Variants in CLDN14 observed in about 807,000 individuals in gnomAD.
The protein encoded by CLDN14 is claudin-14.
In CLDN14, 2 loss-of-function variants were observed where a neutral mutation model predicts 2.1. The observed-to-expected ratio is 0.96, with a 90% CI of 0.39 to 3.01. CLDN14 has a LOEUF of 3.01. Among genes scored for constraint, CLDN14 ranks in the 30% most tolerant of loss-of-function variants. The probability of loss-of-function intolerance (pLI) is 0.09; values close to 1 mark genes in which losing one functional copy is unlikely to be tolerated. For missense variants in CLDN14, 298 were observed against 328.0 expected (o/e 0.91, Z 0.71); for synonymous variants, 136 against 154.4 (o/e 0.88, Z 0.88).
chr21:36,486,843 G>A, intron 2 of CLDN14: 1 of 732,750 alleles, frequency 1.4e-6, no homozygotes. Flanking sequence ...CAGTGTAGAA[G>A]GTGATCTTGC....
At chr21:36,466,092 T>C (rs2086642371) in intron 1 of CLDN14, among the ~76,000 whole-genome samples, 1 of 152,194 alleles carries the variant, frequency 6.6e-6, no homozygotes, top group Non-Finnish European at 1.5e-5. Context: ...CCTGCGTGAC[T>C]GTAGGACTTC....
chr21:36,527,913 A>G (rs1250923177), intron 1 of CLDN14, among the ~76,000 whole-genome samples: 1 of 152,088 alleles, frequency 6.6e-6, no homozygotes. Context: ...AAGTCCCTAG[A>G]TGTCTCTTCC....
intron 2 of CLDN14, among the ~76,000 whole-genome samples, chr21:36,488,645 G>T (rs1279244335): frequency 6.6e-6 from 1 of 150,608 alleles, no homozygotes; most frequent in East Asian, 2.0e-4. Flanking sequence ...GGTGCCAGGG[G>T]CTGAGGGCGG....
At chr21:36,519,715 CA>C (rs1038685565) in intron 1 of CLDN14, among the ~76,000 whole-genome samples, 1 of 60,980 alleles carries the variant, frequency 1.6e-5, no homozygotes, top group African/African-American at 3.6e-5. Context: ...GTCTAAAAAA[CA>C]ACAACAACAA....
chr21:36,486,014 T>C (rs755834323), intron 2 of CLDN14: 13 of 1,465,214 alleles, frequency 8.9e-6, no homozygotes, highest in Non-Finnish European at 1.2e-5. Context: ...CTTGTCCTTC[T>C]TGCCATCCTT....
At chr21:36,494,547 C>T (rs1323420952) in intron 2 of CLDN14, among the ~76,000 whole-genome samples, 1 of 152,188 alleles carries the variant, frequency 6.6e-6, no homozygotes, top group Non-Finnish European at 1.5e-5. Flanking sequence ...CCCCCAGTGC[C>T]TTAGAATGTG....
intron 2 of CLDN14, among the ~76,000 whole-genome samples, chr21:36,496,138 A>C (rs899176335): frequency 6.6e-6 from 1 of 152,134 alleles, no homozygotes; most frequent in African/African-American, 2.4e-5. Flanking sequence ...TGTTATAAAA[A>C]TCAGGGTTTC....
Position 36,551,372 on chromosome 21 carries a change from G to A in CLDN14, c.-220+25039C>T, listed in dbSNP as rs748330482. Among the ~76,000 whole-genome samples the A allele has an allele frequency of 1.3e-5, 2 of 152,114 alleles. No homozygotes were observed. Among genetic ancestry groups the A allele is most frequent in the Non-Finnish European group, 1.5e-5 (1 of 68,024 alleles). ...GAGCCTCTGCCTCCCGTAAGCTGGC[G>A]GGCAGACCCAGTCCAAACTTGGCAC... On this transcript the variant is annotated intron_variant, in intron 1 of 2. Coordinates refer to the CLDN14 transcript ENST00000342108. This position sits in a 1 kb window ranked among gnomAD's most constrained non-coding sequence, Gnocchi z 4.8.
At chr21:36,486,505 G>A (rs554041213) in intron 2 of CLDN14, 13 of 1,563,914 alleles carry the variant, frequency 8.3e-6, no homozygotes, top group Middle Eastern at 1.7e-4. Flanking sequence ...CACTGGCACC[G>A]AGACCCAGCA....
At chr21:36,483,894 G>T (rs2086870374), upstream of CLDN14, among the ~76,000 whole-genome samples, 1 of 152,206 alleles carries the variant, frequency 6.6e-6, no homozygotes, top group South Asian at 2.1e-4. Context: ...GGCAGGAAAA[G>T]AAGCCAAGAA....
At chr21:36,470,049 C>A (rs1013992615) in intron 1 of CLDN14, among the ~76,000 whole-genome samples, 1 of 151,840 alleles carries the variant, frequency 6.6e-6, no homozygotes, top group African/African-American at 2.4e-5. Context: ...ACAAAAACAA[C>A]AACAAAAAAA....
chr21:36,544,471 T>C lies in CLDN14; in HGVS notation c.-220+31940A>G, dbSNP rs1255815404. 1.3e-5 allele frequency among the ~76,000 whole-genome samples: 2 copies of C among 152,198 alleles called. No individual in the cohort carries two copies. The highest frequency in any genetic ancestry group is 1.3e-4 in the Admixed American group (2 of 15,286). On this transcript the variant is annotated intron_variant, in intron 1 of 2. Transcript: ENST00000342108. This position sits in a 1 kb window ranked among gnomAD's most constrained non-coding sequence, Gnocchi z 4.1. Reference sequence around the variant, plus strand: ...AGACAGTCATCCCTGCCTGCAGCTATTGACTGTTTGCATAGGAGGGGATGG... The same window carrying C: ...AGACAGTCATCCCTGCCTGCAGCTACTGACTGTTTGCATAGGAGGGGATGG...
At chr21:36,567,831 CAA>C (rs1242535795) in intron 1 of CLDN14, among the ~76,000 whole-genome samples, 2 of 150,850 alleles carry the variant, frequency 1.3e-5, no homozygotes, top group Non-Finnish European at 3.0e-5. Flanking sequence ...TAGGATAAGC[CAA>C]AGTCATTCAT....
chr21:36,569,641 G>T (rs1177835965), intron 1 of CLDN14, among the ~76,000 whole-genome samples: 1 of 152,198 alleles, frequency 6.6e-6, no homozygotes, highest in Non-Finnish European at 1.5e-5. Flanking sequence ...ATTCAGGGAA[G>T]AGCTGACGGA....
chr21:36,555,415 A>C (rs1245546869), intron 1 of CLDN14, among the ~76,000 whole-genome samples: 2 of 152,248 alleles, frequency 1.3e-5, no homozygotes, highest in Non-Finnish European at 2.9e-5. Flanking sequence ...TTATGCTTCA[A>C]AACAGGACTT....
At chr21:36,526,620 C>T (rs1242197221) in intron 1 of CLDN14, 2 of 152,110 alleles carry the variant, frequency 1.3e-5, no homozygotes, top group African/African-American at 2.4e-5. Context: ...GTAGAGAAAA[C>T]AAAAACAGAT....
At chr21:36,575,233 T>A (rs2087733868) in intron 1 of CLDN14, among the ~76,000 whole-genome samples, 1 of 152,230 alleles carries the variant, frequency 6.6e-6, no homozygotes, top group Non-Finnish European at 1.5e-5. Flanking sequence ...CTTGGTTCTA[T>A]CGGCTCTAAC....
At chr21:36,568,050 A>G (rs371851613) in intron 1 of CLDN14, among the ~76,000 whole-genome samples, 2 of 152,164 alleles carry the variant, frequency 1.3e-5, no homozygotes, top group African/African-American at 4.8e-5. Flanking sequence ...GCAACCGGGA[A>G]TGGTTCGGAG....
At position 36,498,860 on chromosome 21, in the gene CLDN14, CA is replaced by C. The variant is rs2087065528; in HGVS notation, c.-82+11502del. On this transcript the variant is annotated intron_variant, in intron 2 of 2. Transcript: ENST00000342108. The surrounding 1 kb of genome is among the most constrained non-coding windows in gnomAD (Gnocchi z 4.9). ...AGGGGCCCTCATGGGGGCTGAAATT[CA>C]ACCAAGGCTTGATTCCTGCCTGAGG... Among the ~76,000 whole-genome samples, 1 of 152,144 alleles carries C rather than the reference CA, an allele frequency of 6.6e-6. No homozygotes were observed. The highest frequency in any genetic ancestry group is 1.5e-5 in the Non-Finnish European group (1 of 68,022).
Sources: allele counts gnomAD v4.1 joint callset (sites outside exome capture counted in the v4.1 genomes callset), GRCh38; gene constraint gnomAD v4.1.1; non-coding constraint Gnocchi (gnomAD v3.1); transcripts MANE v1.5; gene names NCBI Gene and HGNC (gene_info 2026-07-23, HGNC 2026-07-21).